SPIN3: variants seen among roughly 807,000 people sequenced by gnomAD.
SPIN3 encodes spindlin-3.
For synonymous variants in SPIN3, 74 were observed against 74.3 expected, an observed-to-expected ratio of 1.00 and a Z score of 0.02; for missense variants, 176 against 196.4, an observed-to-expected ratio of 0.90 and a Z score of 0.62.
intron 3 of SPIN3, among the ~76,000 whole-genome samples, chrX:56,981,099 G>A (rs1602738195): frequency 9.1e-6 from 1 of 110,002 alleles, no homozygotes; most frequent in African/African-American, 3.3e-5. Flanking sequence ...AATGGCTCAC[G>A]CCTATAATCC....
chrX:56,983,288 TGGTACTCATGTGTGCAG>T (rs1924156440), intron 3 of SPIN3, among the ~76,000 whole-genome samples: 1 of 111,510 alleles, frequency 9.0e-6, no homozygotes, highest in African/African-American at 3.3e-5. Flanking sequence ...CCGCAGCTAG[TGGTACTCATGTGTGCAG>T]GGTACTCACA....
At chrX:56,980,774 G>A (rs768528350) in intron 3 of SPIN3, among the ~76,000 whole-genome samples, 3 of 109,571 alleles carry the variant, frequency 2.7e-5, no homozygotes, top group South Asian at 8.0e-4. Flanking sequence ...CTCAAGGCCC[G>A]CACAGCTCTT....
downstream of SPIN3, among the ~76,000 whole-genome samples, chrX:56,989,029 T>G (rs752084484): frequency 8.9e-6 from 1 of 111,863 alleles, no homozygotes; most frequent in African/African-American, 3.2e-5. Context: ...AGGTAGTCCT[T>G]GTCTAACAGG....
chrX:56,989,216 T>G (rs1028274358), downstream of SPIN3, among the ~76,000 whole-genome samples: 17 of 111,506 alleles, frequency 1.5e-4, no homozygotes, highest in African/African-American at 5.6e-4. Flanking sequence ...GGAAGATGGA[T>G]CTAAAGATGG....
Position 56,994,135 on chromosome X carries a change from A to G in SPIN3, c.*36T>C. On this transcript the variant is annotated 3_prime_UTR_variant, in exon 2 of 2. Transcript: ENST00000374919. The stretch of plus-strand genomic sequence containing the variant: ...CAAGACTTTCTGTGTCTACAGATTT[A>G]GAGTCTCATATATTTGGCAAATTTC... 8.9e-7 allele frequency: 1 copy of G among 1,122,099 alleles called. No homozygotes were observed. 92.5% of individuals were successfully genotyped at this position (1,122,099 alleles called of 1,213,427 possible). A position where few individuals can be genotyped will look rare whatever the true frequency, so the allele number is the denominator to read the frequency against.
At chrX:56,984,088 C>T (rs1039055793) in intron 3 of SPIN3, among the ~76,000 whole-genome samples, 1 of 111,501 alleles carries the variant, frequency 9.0e-6, no homozygotes, top group African/African-American at 3.3e-5. Context: ...CATACCAGCA[C>T]GGCCCTCTAA....
chrX:56,984,394 T>C (rs1924179056), exon 3 of SPIN3: 4 of 309,986 alleles, frequency 1.3e-5, no homozygotes, highest in Non-Finnish European at 2.4e-5. Context: ...TTGCTGGTGC[T>C]CACACCGGTG....
At chrX:56,979,761 T>A (rs1038375034) in intron 3 of SPIN3, 1 of 111,850 alleles carries the variant, frequency 8.9e-6, no homozygotes, top group Non-Finnish European at 1.9e-5. Context: ...TCTTCCAGCT[T>A]TATTAAAAAG....
At chrX:56,985,000 T>C (rs1924195482) in intron 2 of SPIN3, among the ~76,000 whole-genome samples, 1 of 111,705 alleles carries the variant, frequency 9.0e-6, no homozygotes, top group Non-Finnish European at 1.9e-5. Flanking sequence ...CCCAGTTGTT[T>C]TTTGGAGCCA....
intron 3 of SPIN3, chrX:56,982,923 T>C (rs780147305): frequency 1.8e-5 from 2 of 111,587 alleles, no homozygotes; most frequent in South Asian, 7.6e-4. Context: ...ACTTGGACTG[T>C]TGAAGGAAAT....
exon 6 of SPIN3, chrX:56,976,681 A>G (rs1924012553): frequency 8.9e-6 from 1 of 111,813 alleles, no homozygotes; most frequent in Non-Finnish European, 1.9e-5. Flanking sequence ...TATTGTTGCT[A>G]AAATAGTTTT....
downstream of SPIN3, chrX:56,975,177 C>A (rs1056121134): frequency 8.9e-6 from 1 of 112,159 alleles, no homozygotes; most frequent in Non-Finnish European, 1.9e-5. Flanking sequence ...TGTGACACAG[C>A]CCTCAGGATA....
chrX:56,991,081 C>G lies in SPIN3; in HGVS notation c.*3090G>C, dbSNP rs1432955071. The G allele has an allele frequency of 9.0e-6, 1 of 111,685 alleles. No homozygotes were observed. The highest frequency in any genetic ancestry group is 1.9e-5 in the Non-Finnish European group (1 of 53,170). The allele number at this position is 111,685 out of a possible 1,213,427, so 9.2% of individuals were successfully genotyped here. ...GGTGAGAAGGAGGAAGAGAGACTTACTTTTTAATAGTATACCCTTTTATAC... is the reference window on the plus strand; with the variant it reads ...GGTGAGAAGGAGGAAGAGAGACTTAGTTTTTAATAGTATACCCTTTTATAC... On this transcript the variant is annotated 3_prime_UTR_variant, in exon 2 of 2. Coordinates refer to ENST00000374919, the MANE Select transcript of SPIN3 (RefSeq NM_001010862.3).
intron 5 of SPIN3, chrX:56,977,432 C>T (rs984370733): frequency 1.8e-5 from 2 of 111,547 alleles, no homozygotes; most frequent in African/African-American, 3.3e-5. Context: ...AACATGTTCA[C>T]GTTCTATTAA....
At chrX:56,983,087 C>T (rs1924152367) in intron 3 of SPIN3, among the ~76,000 whole-genome samples, 1 of 112,120 alleles carries the variant, frequency 8.9e-6, no homozygotes, top group Admixed American at 9.5e-5. Flanking sequence ...TGCTGTCATG[C>T]AGTTTAGTGG....
downstream of SPIN3, among the ~76,000 whole-genome samples, chrX:56,986,924 G>A (rs1250135791): frequency 8.9e-6 from 1 of 112,078 alleles, no homozygotes; most frequent in Non-Finnish European, 1.9e-5. Flanking sequence ...CTGAGGTCAG[G>A]AGTTCAAGAC....
downstream of SPIN3, among the ~76,000 whole-genome samples, chrX:56,988,294 G>A (rs1924262062): frequency 9.0e-6 from 1 of 111,144 alleles, no homozygotes; most frequent in African/African-American, 3.3e-5. Flanking sequence ...AAATCCCAGT[G>A]GAAAGAGACG....
chrX:56,991,921 T>C lies in SPIN3; in HGVS notation c.*2250A>G. Reference sequence around the variant, plus strand: ...TATACAATGACTCCCAAAGATAGCATTAAAATACTCCAAATAATACAATAT... The same window carrying C: ...TATACAATGACTCCCAAAGATAGCACTAAAATACTCCAAATAATACAATAT... On this transcript the variant is annotated 3_prime_UTR_variant, in exon 2 of 2. Transcript: ENST00000374919. 1 of 283,275 alleles carries C rather than the reference T, an allele frequency of 3.5e-6. No individual in the cohort carries two copies. Among genetic ancestry groups the C allele is most frequent in the Non-Finnish European group, 6.2e-6 (1 of 161,393 alleles). 23.3% of individuals were successfully genotyped at this position (283,275 alleles called of 1,213,427 possible). A position where few individuals can be genotyped will look rare whatever the true frequency, so the allele number is the denominator to read the frequency against.
At chrX:56,975,944 G>A (rs1320859290), downstream of SPIN3, 1 of 111,581 alleles carries the variant, frequency 9.0e-6, no homozygotes, top group Non-Finnish European at 1.9e-5. Flanking sequence ...TCCCTTTATA[G>A]GGTAGTAAAT....
Sources: allele counts gnomAD v4.1 joint callset (sites outside exome capture counted in the v4.1 genomes callset), GRCh38; gene constraint gnomAD v4.1.1; transcripts MANE v1.5; gene names NCBI Gene and HGNC (gene_info 2026-07-23, HGNC 2026-07-21).